The following COL12A1 variants were observed in gnomAD, a reference collection of about 807,000 sequenced individuals.
COL12A1 encodes the protein collagen alpha-1(XII) chain.
COL12A1 carries 114 observed loss-of-function variants against 349.7 expected under a neutral mutation model. The observed-to-expected ratio is 0.33, with a 90% confidence interval of 0.28 to 0.38. The LOEUF (loss-of-function observed/expected upper bound fraction) is 0.38, where lower values mean the gene tolerates loss of function less well. COL12A1 is among the 10% of genes least tolerant of loss of function. The pLI is 1.00. For missense variants in COL12A1, 3,284 were observed against 3,756.9 expected, an observed-to-expected ratio of 0.87 and a Z score of 3.29; for synonymous variants, 1,369 against 1,329.0, an observed-to-expected ratio of 1.03 and a Z score of -0.66.
intron 60 of COL12A1, among the ~76,000 whole-genome samples, chr6:75,092,566 T>A (rs759120454): frequency 2.1e-4 from 32 of 152,114 alleles, no homozygotes; most frequent in Non-Finnish European, 3.4e-4. Context: ...CGAAGGAACA[T>A]CTAAATCATT....
intron 37 of COL12A1, among the ~76,000 whole-genome samples, 193 bp from the exon 38 acceptor site, chr6:75,128,618 A>G (rs1469247016): frequency 6.6e-6 from 1 of 152,228 alleles, no homozygotes; most frequent in Non-Finnish European, 1.5e-5. Flanking sequence ...TTTTAGAATC[A>G]GACAGCTCTG....
rs550782376 is a variant in COL12A1 at position 75,161,576 on chromosome 6, T to A, written c.2983+3931A>T. Among the ~76,000 whole-genome samples, 26 of 152,232 alleles carry A rather than the reference T, an allele frequency of 1.7e-4. No individual in the cohort carries two copies. The South Asian group carries it at 5.2e-3, about 30-fold the overall frequency. ...ATTGAATGGGCAAAAACTGGAAGCA[T>A]TCCCTTTGAAAACTGGCACAAGACA... On this transcript the variant is annotated intron_variant, in intron 14 of 65. Transcript: ENST00000322507.
At chr6:75,153,094 A>G (rs1767572276) in intron 17 of COL12A1, among the ~76,000 whole-genome samples, 1 of 152,150 alleles carries the variant, frequency 6.6e-6, no homozygotes, top group South Asian at 2.1e-4. Flanking sequence ...TGAGGTAAAG[A>G]TATATTTTTT....
chr6:75,115,447 C>T (rs925058641), intron 49 of COL12A1, among the ~76,000 whole-genome samples: 1 of 152,070 alleles, frequency 6.6e-6, no homozygotes, highest in African/African-American at 2.4e-5. Flanking sequence ...TTATTCCATC[C>T]AGTATTCTGC....
At chr6:75,139,213 C>T (rs1766773224) in intron 27 of COL12A1, among the ~76,000 whole-genome samples, 1 of 152,004 alleles carries the variant, frequency 6.6e-6, no homozygotes, top group South Asian at 2.1e-4. Flanking sequence ...CTTTCTCCAA[C>T]TTTTTAAGAA....
At chr6:75,179,986 T>C (rs755734599) in intron 11 of COL12A1, among the ~76,000 whole-genome samples, 8 of 152,322 alleles carry the variant, frequency 5.3e-5, no homozygotes, top group East Asian at 3.9e-4. Context: ...CAAATGTCCA[T>C]TGATGAATGG....
At chr6:75,204,068 G>C (rs934934759) in intron 1 of COL12A1, among the ~76,000 whole-genome samples, 2 of 152,212 alleles carry the variant, frequency 1.3e-5, no homozygotes, top group African/African-American at 4.8e-5. Flanking sequence ...CTGATGAGCA[G>C]GCGTGCCAAA....
In COL12A1 at chr6:75,109,072, A is replaced by T; in HGVS notation, c.8046T>A (p.Thr2682=). The T allele has an allele frequency of 6.2e-7, 1 of 1,612,404 alleles. No individual in the cohort carries two copies. The highest frequency in any genetic ancestry group is 8.5e-7 in the Non-Finnish European group (1 of 1,179,212). ...GTTTTCCAAGAATTTCATAACCATC[A>T]GTTGTTATATTTCCAGCTTCCTTGA... ...KDIKEAGNIT[T]DGYEILGKLL... The change falls in exon 52 of 66, where the codon ACT becomes ACA. Residue 2682 remains threonine, a synonymous_variant. Transcript: ENST00000322507.
At chr6:75,181,828 G>A (rs979087438) in intron 10 of COL12A1, among the ~76,000 whole-genome samples, 13 of 151,824 alleles carry the variant, frequency 8.6e-5, no homozygotes, top group Admixed American at 6.6e-5. Context: ...GGGGGCTAAC[G>A]CCTATGATCT....
At chr6:75,135,015 T>A (rs1185242151) in intron 31 of COL12A1, among the ~76,000 whole-genome samples, 160 bp from the exon 32 acceptor site, 3 of 152,154 alleles carry the variant, frequency 2.0e-5, no homozygotes, top group Non-Finnish European at 4.4e-5. Context: ...TGGTATAACT[T>A]CAAATGTAAA....
intron 54 of COL12A1, 147 bp downstream of exon 54, chr6:75,105,059 T>C (rs1395909158): frequency 1.1e-5 from 6 of 567,012 alleles, no homozygotes; most frequent in Non-Finnish European, 1.2e-5. Context: ...TGTCCAAATA[T>C]ACTAAAAAGA....
At chr6:75,134,421 A>G (rs1298737726) in intron 32 of COL12A1, among the ~76,000 whole-genome samples, 4 of 151,984 alleles carry the variant, frequency 2.6e-5, no homozygotes, top group Non-Finnish European at 4.4e-5. Flanking sequence ...AATATAAAAA[A>G]TTAGCCGGGT....
In COL12A1 at chr6:75,086,494, C is replaced by T; in HGVS notation, c.*53G>A. 6.4e-7 allele frequency: 1 copy of T among 1,560,830 alleles called. No homozygotes were observed. Among genetic ancestry groups the T allele is most frequent in the Non-Finnish European group, 8.7e-7 (1 of 1,143,442 alleles). On this transcript the variant is annotated 3_prime_UTR_variant, in exon 66 of 66. Transcript: ENST00000322507. The stretch of plus-strand genomic sequence containing the variant: ...AGCACGTGCGCAAACATCTCAGAAA[C>T]AGGATTTTCATGTATTCAAACTGTA...
intron 1 of COL12A1, among the ~76,000 whole-genome samples, chr6:75,204,767 C>T (rs966812056): frequency 4.6e-5 from 7 of 152,062 alleles, no homozygotes; most frequent in African/African-American, 1.4e-4. Flanking sequence ...CTCCCGCGTC[C>T]AGTTAAAAAG....
In COL12A1 at chr6:75,191,734, C is replaced by T; in HGVS notation, c.361G>A (p.Val121Met). The change falls in exon 5 of 66, where the codon GTG becomes ATG. Residue 121 changes from valine (V) to methionine (M), a missense_variant. Around this residue, in one of 2 missense-constraint regions of COL12A1, gnomAD observed 2,601 missense variants for 2,824.8 expected, o/e 0.92. Transcript: ENST00000322507. ...TIQTGSSTKP[V>M]EKKPGKTEIQ... ...TCGGTTTTTCCAGGTTTCTTCTCCA[C>T]TGGCTTTGTCGAACTACCTGTTTGA... The T allele has an allele frequency of 6.3e-7, 1 of 1,596,484 alleles. No homozygotes were observed. The highest frequency in any genetic ancestry group is 8.5e-7 in the Non-Finnish European group (1 of 1,171,372).
intron 3 of COL12A1, among the ~76,000 whole-genome samples, chr6:75,194,148 G>A (rs1252839611): frequency 6.6e-5 from 10 of 152,100 alleles, no homozygotes; most frequent in African/African-American, 1.7e-4. Flanking sequence ...TTAAGGAATC[G>A]CCACACTGTC....
At position 75,142,161 on chromosome 6, in the gene COL12A1, C is replaced by T. The variant is rs374525546; in HGVS notation, c.4828G>A (p.Val1610Ile). ...YKTPEEDVKE[V>I]EVDRSETSTS... ...CTGGTCTCTGATCTGTCCACCTCTA[C>T]CTATAACAGTAACAGAGCAGTGGAA... Residue 1610 changes from valine (V) to isoleucine (I), a missense_variant and splice_region_variant, in exon 27 of 66, where the codon GTA (valine) becomes ATA (isoleucine). Physicochemically the swap from Val to Ile is conservative, Grantham distance 29. This residue lies in a region of COL12A1 where 2,601 missense variants were observed against 2,824.8 expected (regional missense o/e 0.92). Transcript: ENST00000322507. The T allele has an allele frequency of 3.3e-5, 54 of 1,613,894 alleles. No individual in the cohort carries two copies. Among genetic ancestry groups the T allele is most frequent in the Non-Finnish European group, 4.2e-5 (49 of 1,179,922 alleles).
At chr6:75,188,216 G>T in intron 8 of COL12A1, 146 bp downstream of exon 8, 1 of 792,336 alleles carries the variant, frequency 1.3e-6, no homozygotes, top group Non-Finnish European at 1.9e-6. Flanking sequence ...AACAAGTTGA[G>T]TTGCTAAAAA....
At chr6:75,109,689 T>C (rs1028531188) in intron 51 of COL12A1, among the ~76,000 whole-genome samples, 2 of 152,172 alleles carry the variant, frequency 1.3e-5, no homozygotes, top group African/African-American at 4.8e-5. Flanking sequence ...GATTCAACTC[T>C]GGAAATCGAT....
Sources: allele counts gnomAD v4.1 joint callset (sites outside exome capture counted in the v4.1 genomes callset), GRCh38; gene constraint gnomAD v4.1.1; regional missense constraint gnomAD v4.1.1; transcripts MANE v1.5; gene names NCBI Gene and HGNC (gene_info 2026-07-23, HGNC 2026-07-21).